MYLK3: variants seen among roughly 807,000 people sequenced by gnomAD.
MYLK3 encodes the protein MLC kinase.
In MYLK3, 55 loss-of-function variants were observed where a neutral mutation model predicts 76.3. That is an observed-to-expected ratio of 0.72 (90% CI 0.58 to 0.90). The LOEUF (loss-of-function observed/expected upper bound fraction) is 0.90, where lower values mean the gene tolerates loss of function less well. Ranked by LOEUF, MYLK3 falls within the 40% of genes least tolerant of loss-of-function variation. MYLK3 has a pLI of 0.00. For synonymous variants in MYLK3, 416 were observed against 425.4 expected (o/e 0.98, Z 0.27); for missense variants, 973 against 1,053.6 (o/e 0.92, Z 1.06).
chr16:46,737,575 G>T lies in MYLK3; in HGVS notation c.1001+136C>A, dbSNP rs986573006. On this transcript the variant is annotated intron_variant, in intron 3 of 12. Coordinates refer to ENST00000394809, the MANE Select transcript of MYLK3 (RefSeq NM_182493.3). ...GGTACTCTAAGCTCCCAGAGGCAGG[G>T]CCCAGGCCTCCTCCCCATTCCCCTC... 8 of 810,296 alleles carry T rather than the reference G, an allele frequency of 9.9e-6. No homozygotes were observed. The African/African-American group carries it at 1.4e-4, about 14-fold the overall frequency. The allele number at this position is 810,296 out of a possible 1,614,324, so 50.2% of individuals were successfully genotyped here. A position where few individuals can be genotyped will look rare whatever the true frequency, so the allele number is the denominator to read the frequency against.
upstream of MYLK3, among the ~76,000 whole-genome samples, chr16:46,750,560 G>C (rs1967110188): frequency 6.6e-6 from 1 of 152,240 alleles, no homozygotes; most frequent in African/African-American, 2.4e-5. Context: ...TGGGCATGAT[G>C]GCGTGCACCT....
In MYLK3 at chr16:46,732,628, T is replaced by G. The variant is rs140405555; in HGVS notation, c.1042A>C (p.Met348Leu). Reference protein sequence around the residue: ...HIQEMDTPGEMLMTGRGSLGP... With the variant: ...HIQEMDTPGELLMTGRGSLGP... ...AGGCTGCCCCTGCCTGTCATCAGCA[T>G]CTCCCCAGGAGTATCCATCTCTTGT... is the stretch of plus-strand genomic sequence containing the variant. Residue 348 changes from methionine (M) to leucine (L), a missense_variant, in exon 4 of 13, where the codon ATG becomes CTG. This residue lies in a region of MYLK3 where 641 missense variants were observed against 637.0 expected (regional missense o/e 1.01). Transcript: ENST00000394809. 103 of 1,566,262 alleles carry G rather than the reference T, an allele frequency of 6.6e-5. No homozygotes were observed. Among genetic ancestry groups the G allele is most frequent in the Non-Finnish European group, 8.1e-5 (94 of 1,162,856 alleles).
At chr16:46,752,013 G>A (rs1360532415), upstream of MYLK3, among the ~76,000 whole-genome samples, 2 of 152,150 alleles carry the variant, frequency 1.3e-5, no homozygotes, top group African/African-American at 4.8e-5. Flanking sequence ...CCAGAGAAGA[G>A]GTAGCTGAAC....
At chr16:46,740,243 G>T in intron 1 of MYLK3, 96 bp from the exon 2 acceptor site, 1 of 930,850 alleles carries the variant, frequency 1.1e-6, no homozygotes, top group South Asian at 1.4e-5. Flanking sequence ...TTTAAGATAA[G>T]GGCATTTAGA....
rs769240540 is a variant in MYLK3 at position 46,740,163 on chromosome 16, T to TA, written c.478-17dup. 1.9e-5 allele frequency: 31 copies of TA among 1,605,852 alleles called. No individual in the cohort carries two copies. In the Middle Eastern group the frequency reaches 2.1e-3, roughly 106 times the overall value. The stretch of plus-strand genomic sequence containing the variant: ...GCTCTTTATTCTAAAATAACAACCA[T>TA]AAAAAATGTCATCATTATCATCAAC... On this transcript the variant is annotated splice_polypyrimidine_tract_variant and intron_variant, in intron 1 of 12. Transcript: ENST00000394809.
In MYLK3 at chr16:46,748,077, G is replaced by A. The variant is rs756171822; in HGVS notation, c.117C>T (p.Leu39=). Residue 39 remains leucine, a synonymous_variant, in exon 1 of 13, where the codon CTC becomes CTT. Coordinates refer to ENST00000394809, the MANE Select transcript of MYLK3 (RefSeq NM_182493.3). The surrounding 1 kb of genome is among the most constrained non-coding windows in gnomAD (Gnocchi z 4.3). ...LNMLNEKVDQ[L]LHFQEDVTEK... is the part of the protein sequence containing the mutation. Reference sequence around the variant, plus strand: ...CTGTGACATCTTCTTGGAAGTGCAGGAGCTGGTCCACCTTCTCGTTCAGCA... The same window carrying A: ...CTGTGACATCTTCTTGGAAGTGCAGAAGCTGGTCCACCTTCTCGTTCAGCA... 6 of 1,614,256 alleles carry A rather than the reference G, an allele frequency of 3.7e-6. No individual in the cohort carries two copies. The Admixed American group carries it at 8.3e-5, about 22-fold the overall frequency.
chr16:46,716,751 AAGAC>A (rs1966744737), intron 9 of MYLK3, among the ~76,000 whole-genome samples: 1 of 152,164 alleles, frequency 6.6e-6, no homozygotes, highest in Admixed American at 6.5e-5. Flanking sequence ...GGCTAAGAAA[AAGAC>A]AGGCCTTGCT....
At chr16:46,740,920 G>A (rs965752342) in intron 1 of MYLK3, among the ~76,000 whole-genome samples, 3 of 152,130 alleles carry the variant, frequency 2.0e-5, no homozygotes, top group Admixed American at 6.5e-5. Flanking sequence ...CATTGGTTTC[G>A]GTTGAATTCT....
At chr16:46,752,040 C>A (rs1359097455), upstream of MYLK3, among the ~76,000 whole-genome samples, 1 of 152,096 alleles carries the variant, frequency 6.6e-6, no homozygotes, top group Non-Finnish European at 1.5e-5. Context: ...GACAGAGCAG[C>A]AAATACAATA....
At chr16:46,742,151 T>C (rs1384860616) in intron 1 of MYLK3, among the ~76,000 whole-genome samples, 2 of 152,062 alleles carry the variant, frequency 1.3e-5, no homozygotes, top group African/African-American at 4.8e-5. Context: ...ATAGTTTGTG[T>C]GTATGTGCAG....
At chr16:46,738,587 A>G (rs1250024912) in intron 2 of MYLK3, among the ~76,000 whole-genome samples, 2 of 152,224 alleles carry the variant, frequency 1.3e-5, no homozygotes, top group South Asian at 2.1e-4. Context: ...AGCACAGCTA[A>G]GGAGTGATCT....
Position 46,748,341 on chromosome 16 carries a change from G to A in MYLK3, c.-148C>T. The stretch of plus-strand genomic sequence containing the variant: ...ACCAACCTCCACGATGGCCTGGGCT[G>A]TGTGAGGAGCGCAGAGGCCCAGGTT... On this transcript the variant is annotated 5_prime_UTR_variant, in exon 1 of 13. Transcript: ENST00000394809. The surrounding 1 kb of genome is among the most constrained non-coding windows in gnomAD (Gnocchi z 4.3). The A allele has an allele frequency of 7.2e-7, 1 of 1,390,114 alleles. No individual in the cohort carries two copies. Among genetic ancestry groups the A allele is most frequent in the Non-Finnish European group, 9.4e-7 (1 of 1,059,948 alleles). The allele number at this position is 1,390,114 out of a possible 1,614,324, so 86.1% of individuals were successfully genotyped here. A position where few individuals can be genotyped will look rare whatever the true frequency, so the allele number is the denominator to read the frequency against.
upstream of MYLK3, among the ~76,000 whole-genome samples, chr16:46,750,042 G>C (rs575703803): frequency 6.6e-6 from 1 of 152,222 alleles, no homozygotes; most frequent in African/African-American, 2.4e-5. Context: ...AATTTGAGGG[G>C]TAACCCTGTG....
chr16:46,742,227 G>GAA (rs34652691), intron 1 of MYLK3, among the ~76,000 whole-genome samples: 50 of 149,248 alleles, frequency 3.4e-4, no homozygotes, highest in East Asian at 2.5e-3. Context: ...AAACTCACTA[G>GAA]AAAAAAAAAA....
chr16:46,705,043 T>G lies in MYLK3; in HGVS notation c.*2661A>C. On this transcript the variant is annotated 3_prime_UTR_variant, in exon 13 of 13. Coordinates refer to ENST00000394809, the MANE Select transcript of MYLK3 (RefSeq NM_182493.3). ...GGCCTAGACTTGCTGGTATTGAAACTGTTAGTTCCCAACAAGGGTTAGCCT... is the reference window on the plus strand; with the variant it reads ...GGCCTAGACTTGCTGGTATTGAAACGGTTAGTTCCCAACAAGGGTTAGCCT... 1 of 152,240 alleles carries G rather than the reference T, an allele frequency of 6.6e-6. No individual in the cohort carries two copies. Among genetic ancestry groups the G allele is most frequent in the African/African-American group, 2.4e-5 (1 of 41,464 alleles). 9.4% of individuals were successfully genotyped at this position (152,240 alleles called of 1,614,324 possible).
rs201305247 is a variant in MYLK3 at position 46,730,588 on chromosome 16, C to T, written c.1568+5G>A. 2 of 1,613,470 alleles carry T rather than the reference C, an allele frequency of 1.2e-6. No homozygotes were observed. Among genetic ancestry groups the T allele is most frequent in the South Asian group, 1.1e-5 (1 of 91,076 alleles). The stretch of plus-strand genomic sequence containing the variant: ...GCCCCCCAACCAAGGCAGATGCCCA[C>T]CTACCCTCCCAAGACTTCGTGCTGG... On this transcript the variant is annotated splice_donor_5th_base_variant and intron_variant, in intron 5 of 12. Transcript: ENST00000394809.
Position 46,732,586 on chromosome 16 carries a change from T to C in MYLK3, c.1084A>G (p.Thr362Ala). 1.3e-6 allele frequency: 2 copies of C among 1,597,518 alleles called. No homozygotes were observed. The highest frequency in any genetic ancestry group is 8.5e-7 in the Non-Finnish European group (1 of 1,178,768). ...GRGSLGPTLT[T>A]EAPAAAQPGK... is the part of the protein sequence containing the mutation. ...GGCTGGGCAGCTGCTGGAGCCTCTG[T>C]GGTGAGGGTGGGTCCAAGGCTGCCC... The change falls in exon 4 of 13, where the codon ACA becomes GCA. Residue 362 changes from threonine (T) to alanine (A), a missense_variant. Thr to Ala is a moderately conservative substitution (Grantham distance 58). Coordinates refer to ENST00000394809, the MANE Select transcript of MYLK3 (RefSeq NM_182493.3).
chr16:46,726,675 GAGAAAGAAAGAAAGAA>G (rs1204849346), intron 8 of MYLK3: 40 of 46,590 alleles, frequency 8.6e-4, no homozygotes, highest in African/African-American at 1.8e-3. Flanking sequence ...AAGAAAGAAA[GAGAAAGAAAGAAAGAA>G]AGAAAGAAAG....
chr16:46,758,304 ACTCTCT>A (rs3044832), intron 1 of MYLK3, among the ~76,000 whole-genome samples: 5,635 of 87,094 alleles, frequency 0.065, 180 homozygotes, highest in East Asian at 0.12. Context: ...ACACACACAC[ACTCTCT>A]CTCTCTCTCT....
Sources: gnomAD v4.1 joint callset for allele counts (sites outside exome capture counted in the v4.1 genomes callset) on GRCh38, gnomAD v4.1.1 for gene constraint, gnomAD v4.1.1 regional missense constraint, Gnocchi (gnomAD v3.1) non-coding constraint, MANE v1.5 for transcripts, NCBI Gene and HGNC (gene_info 2026-07-23, HGNC 2026-07-21) for gene names.